Variants in RFFL observed in about 807,000 individuals in gnomAD.
RFFL encodes ring finger and FYVE like domain containing E3 ubiquitin protein ligase.
In RFFL, 16 loss-of-function variants were observed where a neutral mutation model predicts 40.4. The observed-to-expected ratio is 0.40, with a 90% confidence interval of 0.27 to 0.60. RFFL has a LOEUF of 0.60. Ranked by LOEUF, RFFL falls within the 20% of genes least tolerant of loss-of-function variation. The probability of loss-of-function intolerance (pLI) is 0.47; values close to 1 mark genes in which losing one functional copy is unlikely to be tolerated. For synonymous variants in RFFL, 154 were observed against 167.9 expected, an observed-to-expected ratio of 0.92 and a Z score of 0.64; for missense variants, 367 against 451.7, an observed-to-expected ratio of 0.81 and a Z score of 1.70.
chr17:35,018,776 C>T (rs1207868492), intron 3 of RFFL: 3 of 152,272 alleles, frequency 2.0e-5, no homozygotes, highest in African/African-American at 7.2e-5. Flanking sequence ...TCAATGTCTT[C>T]ATCAACAACG....
rs2090923115 is a variant in RFFL at position 35,009,638 on chromosome 17, C to G, written c.*2330G>C. ...GACACCTTTTTTCCTAAAGGGAAAC[C>G]TTCACCAAAAGGGGATAAAAGATTT... On this transcript the variant is annotated 3_prime_UTR_variant, in exon 7 of 7. Transcript: ENST00000394597. The G allele has an allele frequency of 2.0e-5, 3 of 150,558 alleles. No homozygotes were observed. The highest frequency in any genetic ancestry group is 4.4e-5 in the Non-Finnish European group (3 of 67,842). 9.3% of individuals were successfully genotyped at this position (150,558 alleles called of 1,614,324 possible).
intron 1 of RFFL, among the ~76,000 whole-genome samples, chr17:35,054,593 G>A (rs987535871): frequency 1.1e-4 from 16 of 143,972 alleles, no homozygotes; most frequent in African/African-American, 4.2e-4. Flanking sequence ...AGAAAAATCA[G>A]AAGACTTTAT....
intron 1 of RFFL, among the ~76,000 whole-genome samples, chr17:35,061,667 T>C (rs1192486230): frequency 6.8e-6 from 1 of 147,088 alleles, no homozygotes; most frequent in African/African-American, 2.6e-5. Context: ...TTCACCATGT[T>C]GGCCAGGATG....
At chr17:35,074,228 A>G (rs1051506654) in intron 1 of RFFL, 2 of 152,042 alleles carry the variant, frequency 1.3e-5, no homozygotes, top group Non-Finnish European at 2.9e-5. Context: ...TAAAAGACAC[A>G]TTGTTTTCAT....
Position 35,020,217 on chromosome 17 carries a change from G to A in RFFL, c.591+1154C>T, listed in dbSNP as rs1038326404. Among the ~76,000 whole-genome samples, 4 of 152,120 alleles carry A rather than the reference G, an allele frequency of 2.6e-5. No individual in the cohort carries two copies. The South Asian group carries it at 8.3e-4, about 31-fold the overall frequency. On this transcript the variant is annotated intron_variant, in intron 3 of 6. Transcript: ENST00000394597. ...GTGGATGTGGAAATTGGATCTTGTAGTTCCTAATTCCCCCATATTGCCCAA... is the reference window on the plus strand; with the variant it reads ...GTGGATGTGGAAATTGGATCTTGTAATTCCTAATTCCCCCATATTGCCCAA...
intron 1 of RFFL, among the ~76,000 whole-genome samples, chr17:35,045,615 C>T (rs1455371259): frequency 1.3e-5 from 2 of 152,150 alleles, no homozygotes; most frequent in African/African-American, 4.8e-5. Flanking sequence ...GTCTATTTCA[C>T]AGCTTTATTC....
At chr17:35,043,637 G>C (rs1388402149) in intron 1 of RFFL, among the ~76,000 whole-genome samples, 1 of 152,190 alleles carries the variant, frequency 6.6e-6, no homozygotes, top group Non-Finnish European at 1.5e-5. Context: ...TCAGATGGCA[G>C]ACACGGGGAA....
chr17:35,087,365 G>A (rs78398756), intron 1 of RFFL, among the ~76,000 whole-genome samples: 2 of 152,078 alleles, frequency 1.3e-5, no homozygotes, highest in Admixed American at 6.6e-5. Flanking sequence ...AAAAAAAAAG[G>A]TGTTCCTATT....
chr17:35,078,771 G>C (rs1304999943), intron 1 of RFFL, among the ~76,000 whole-genome samples: 1 of 152,094 alleles, frequency 6.6e-6, no homozygotes, highest in East Asian at 1.9e-4. Context: ...CTTTAGGTCA[G>C]GAGTTCGACA....
upstream of RFFL, among the ~76,000 whole-genome samples, chr17:35,065,375 G>A (rs1030260926): frequency 6.6e-6 from 1 of 151,998 alleles, no homozygotes; most frequent in African/African-American, 2.4e-5. Context: ...AACCAACATG[G>A]AGAAACCCCC....
chr17:35,079,633 C>A (rs2091394714), intron 1 of RFFL, among the ~76,000 whole-genome samples: 1 of 152,156 alleles, frequency 6.6e-6, no homozygotes, highest in African/African-American at 2.4e-5. Context: ...CTCACAGTCA[C>A]TATTCCTCAA....
chr17:35,048,288 G>A (rs1035065230), intron 1 of RFFL, among the ~76,000 whole-genome samples: 1 of 151,818 alleles, frequency 6.6e-6, no homozygotes, highest in African/African-American at 2.4e-5. Flanking sequence ...TGTAGTCCCA[G>A]CTGCTTGGGA....
Position 35,063,177 on chromosome 17 carries a change from C to T in RFFL, c.-9+399G>A, listed in dbSNP as rs535355233. 3.3e-5 allele frequency among the ~76,000 whole-genome samples: 5 copies of T among 152,088 alleles called. No individual in the cohort carries two copies. The East Asian group carries it at 7.7e-4, about 23-fold the overall frequency. Reference sequence around the variant, plus strand: ...ACTCAAATGAAAGAAAACTTCTGGCCGGGGGCCGTGGCTCATGCCTATAAT... The same window carrying T: ...ACTCAAATGAAAGAAAACTTCTGGCTGGGGGCCGTGGCTCATGCCTATAAT... On this transcript the variant is annotated intron_variant, in intron 1 of 6. Transcript: ENST00000394597.
rs758936328 is a variant in RFFL at position 35,011,975 on chromosome 17, C to T, written c.1085G>A (p.Arg362Gln). The T allele has an allele frequency of 3.1e-6, 5 of 1,613,852 alleles. No individual in the cohort carries two copies. The highest frequency in any genetic ancestry group is 3.4e-6 in the Non-Finnish European group (4 of 1,179,860). ...AGAAACCGATGCAAGCTCTCAGGAC[C>T]GGAAGACATGCACAGCTCGGATTAC... ...QYVIRAVHVF[R>Q]S The change falls in exon 7 of 7, where the codon CGG (arginine) becomes CAG (glutamine). Residue 362 changes from arginine to glutamine, a missense_variant. Transcript: ENST00000394597.
At position 35,025,413 on chromosome 17, in the gene RFFL, G is replaced by A. The variant is rs1222699675; in HGVS notation, c.180+961C>T. 2.0e-5 allele frequency: 3 copies of A among 152,144 alleles called. No homozygotes were observed. In the South Asian group the frequency reaches 6.2e-4, roughly 32 times the overall value. 9.4% of individuals were successfully genotyped at this position (152,144 alleles called of 1,614,324 possible). A position where few individuals can be genotyped will look rare whatever the true frequency, so the allele number is the denominator to read the frequency against. On this transcript the variant is annotated intron_variant, in intron 2 of 6. Coordinates refer to ENST00000394597, the MANE Select transcript of RFFL (RefSeq NM_001017368.2). ...TTGTCAGGAATTTAACACATTCAAT[G>A]TTCTTCTTAAATTTTAAACCCTAAG...
Position 35,026,307 on chromosome 17 carries a change from G to A in RFFL, c.180+67C>T, listed in dbSNP as rs548362781. ...AGGAAAGGTTGCAGGCATTCAGAGG[G>A]GTCAGTGGCGCTTGCCCATGGTCCA... On this transcript the variant is annotated intron_variant, in intron 2 of 6. Transcript: ENST00000394597. The A allele has an allele frequency of 6.3e-5, 94 of 1,491,482 alleles. No individual in the cohort carries two copies. In the African/African-American group the frequency reaches 9.4e-4, roughly 15 times the overall value. The allele number at this position is 1,491,482 out of a possible 1,614,324, so 92.4% of individuals were successfully genotyped here.
At chr17:35,034,124 C>T (rs2091104226) in intron 1 of RFFL, among the ~76,000 whole-genome samples, 1 of 150,182 alleles carries the variant, frequency 6.7e-6, no homozygotes, top group Non-Finnish European at 1.5e-5. Flanking sequence ...GTCTGGGTGA[C>T]AGAGCGAGAC....
chr17:35,065,246 T>C (rs1219892283), upstream of RFFL, among the ~76,000 whole-genome samples: 1 of 151,606 alleles, frequency 6.6e-6, no homozygotes, highest in Non-Finnish European at 1.5e-5. Flanking sequence ...TCCTGACCTG[T>C]TCTGTATTTG....
chr17:35,028,665 T>A (rs939970114), intron 1 of RFFL, among the ~76,000 whole-genome samples: 1 of 152,098 alleles, frequency 6.6e-6, no homozygotes, highest in Non-Finnish European at 1.5e-5. Flanking sequence ...CTCTGCTGTC[T>A]CCTGACTCAT....
Sources: gnomAD v4.1 joint callset for allele counts (sites outside exome capture counted in the v4.1 genomes callset) on GRCh38, gnomAD v4.1.1 for gene constraint, MANE v1.5 for transcripts, NCBI Gene and HGNC (gene_info 2026-07-23, HGNC 2026-07-21) for gene names.